DEUP1: variants seen among roughly 807,000 people sequenced by gnomAD.
DEUP1 encodes coiled-coil domain containing 67.
A neutral mutation model predicts 87.4 loss-of-function variants in DEUP1; 82 were observed. The ratio of observed to expected loss-of-function variants is 0.94; its 90% CI spans 0.78 to 1.13. The LOEUF (loss-of-function observed/expected upper bound fraction) is 1.13, where lower values mean the gene tolerates loss of function less well. Ranked by LOEUF, DEUP1 falls within the 50% of genes most tolerant of loss-of-function variation. The pLI, the probability that DEUP1 is intolerant of heterozygous loss-of-function variation, is 0.00. For missense variants in DEUP1, 663 were observed against 681.5 expected (o/e 0.97, Z 0.30); for synonymous variants, 214 against 222.7 (o/e 0.96, Z 0.35).
At chr11:93,334,306 A>G (rs1943640157) in intron 2 of DEUP1, among the ~76,000 whole-genome samples, 1 of 152,204 alleles carries the variant, frequency 6.6e-6, no homozygotes, top group Non-Finnish European at 1.5e-5. Context: ...ATCTACATAT[A>G]CAGTAATGTT....
At chr11:93,402,685 A>G (rs1457996119) in intron 11 of DEUP1, among the ~76,000 whole-genome samples, 1 of 151,918 alleles carries the variant, frequency 6.6e-6, no homozygotes, top group Admixed American at 6.6e-5. Flanking sequence ...GAAAAAATAA[A>G]AAATAAAAAA....
At chr11:93,379,747 C>T (rs1031013808) in intron 7 of DEUP1, among the ~76,000 whole-genome samples, 3 of 137,218 alleles carry the variant, frequency 2.2e-5, no homozygotes, top group African/African-American at 7.8e-5. Flanking sequence ...CTTCTAGGGG[C>T]TTACATGCAC....
At chr11:93,416,819 A>G (rs1947649252) in intron 13 of DEUP1, among the ~76,000 whole-genome samples, 1 of 151,856 alleles carries the variant, frequency 6.6e-6, no homozygotes, top group Non-Finnish European at 1.5e-5. Context: ...CACATCAAAA[A>G]GCTTATCCAC....
At chr11:93,430,517 G>A (rs74986600) in intron 13 of DEUP1, among the ~76,000 whole-genome samples, 1,911 of 152,264 alleles carry the variant, frequency 0.013, 21 homozygotes, top group East Asian at 0.064. Context: ...CCATGTATAT[G>A]AAATAGCCAA....
chr11:93,417,978 A>T lies in DEUP1; in HGVS notation c.1638+2864A>T, dbSNP rs547403467. Among the ~76,000 whole-genome samples, 1,143 of 151,168 alleles carry T rather than the reference A, an allele frequency of 7.6e-3. 16 individuals carry two copies. The highest frequency in any genetic ancestry group is 0.027 in the African/African-American group (1,102 of 41,394). On this transcript the variant is annotated intron_variant, in intron 13 of 13. Coordinates refer to ENST00000298050, the MANE Select transcript of DEUP1 (RefSeq NM_181645.4). ...GGTGCTGGGAAAACTGGCTAGCCAT[A>T]TGTAGAAAGCTGAAACTGGATCCCT...
At chr11:93,418,768 A>T (rs1947747352) in intron 13 of DEUP1, among the ~76,000 whole-genome samples, 5 of 150,552 alleles carry the variant, frequency 3.3e-5, no homozygotes, top group South Asian at 2.1e-4. Context: ...AATAGCAAAG[A>T]CTTGGAACCA....
At position 93,408,385 on chromosome 11, in the gene DEUP1, A is replaced by G; in HGVS notation, c.1481A>G (p.Tyr494Cys). 6.4e-7 allele frequency: 1 copy of G among 1,569,174 alleles called. No individual in the cohort carries two copies. Among genetic ancestry groups the G allele is most frequent in the Non-Finnish European group, 8.6e-7 (1 of 1,156,574 alleles). ...NQNTYEETGRYAYQSQIKVEQ... is the reference protein window; with the variant it reads ...NQNTYEETGRCAYQSQIKVEQ... ...AACACCTATGAAGAAACAGGAAGATATGCCTATCAAAGCCAAATAAAAGTG... is the reference window on the plus strand; with the variant it reads ...AACACCTATGAAGAAACAGGAAGATGTGCCTATCAAAGCCAAATAAAAGTG... Residue 494 changes from tyrosine to cysteine, a missense_variant, in exon 12 of 14, where the codon TAT (tyrosine) becomes TGT (cysteine). Transcript: ENST00000298050.
chr11:93,396,831 G>T (rs1402768820), intron 11 of DEUP1, among the ~76,000 whole-genome samples: 2 of 152,142 alleles, frequency 1.3e-5, no homozygotes, highest in Admixed American at 1.3e-4. Context: ...AGTGTTCAAT[G>T]AGTGTTGGTT....
Position 93,394,632 on chromosome 11 carries a change from A to C in DEUP1, c.1215A>C (p.Lys405Asn), listed in dbSNP as rs749938611. 3.1e-6 allele frequency: 5 copies of C among 1,611,320 alleles called. No homozygotes were observed. The South Asian group carries it at 5.5e-5, about 18-fold the overall frequency. The change falls in exon 10 of 14, where the codon AAA becomes AAC. Residue 405 changes from lysine to asparagine, a missense_variant. Lys to Asn is a moderately conservative substitution (Grantham distance 94). Coordinates refer to ENST00000298050, the MANE Select transcript of DEUP1 (RefSeq NM_181645.4). ...EKQLKMELEI[K>N]EKMLAKQKVS... ...AGTTAAAAATGGAATTAGAAATAAA[A>C]GAAAAAATGTTAGCAAAACAAAAGG...
At chr11:93,394,815 A>T (rs1946886308) in intron 10 of DEUP1, among the ~76,000 whole-genome samples, 159 bp downstream of exon 10, 1 of 152,180 alleles carries the variant, frequency 6.6e-6, no homozygotes, top group Non-Finnish European at 1.5e-5. Flanking sequence ...AACCTTTCAG[A>T]GATAACACAA....
At chr11:93,427,589 C>T (rs577352138) in intron 13 of DEUP1, among the ~76,000 whole-genome samples, 2 of 150,834 alleles carry the variant, frequency 1.3e-5, no homozygotes, top group African/African-American at 4.9e-5. Flanking sequence ...TCTAAAACAC[C>T]AAAAGCAATG....
In DEUP1 at chr11:93,389,104, T is replaced by A; in HGVS notation, c.1020T>A (p.Asn340Lys). ...TTTCAGTGATGCAAGATCAACCAAA[T>A]CATGAAAAAGAATTGAACAAGGTAT... is the stretch of plus-strand genomic sequence containing the variant. The part of the protein sequence containing the change: ...ELFSVMQDQP[N>K]HEKELNKIRS... The change falls in exon 9 of 14, where the codon AAT becomes AAA. Residue 340 changes from asparagine (N) to lysine (K), a missense_variant. Physicochemically the swap from Asn to Lys is moderately conservative, Grantham distance 94. Coordinates refer to ENST00000298050, the MANE Select transcript of DEUP1 (RefSeq NM_181645.4). 1 of 1,594,772 alleles carries A rather than the reference T, an allele frequency of 6.3e-7. No homozygotes were observed. Among genetic ancestry groups the A allele is most frequent in the Non-Finnish European group, 8.5e-7 (1 of 1,169,616 alleles).
At chr11:93,385,358 A>G in intron 7 of DEUP1, 40 bp from the exon 8 acceptor site, 1 of 1,602,640 alleles carries the variant, frequency 6.2e-7, no homozygotes, top group South Asian at 1.1e-5. Flanking sequence ...CGTTATGATA[A>G]CCAACAATGA....
At position 93,411,942 on chromosome 11, in the gene DEUP1, T is replaced by C. The variant is rs983928966; in HGVS notation, c.1524-3058T>C. Among the ~76,000 whole-genome samples the C allele has an allele frequency of 4.6e-5, 7 of 152,268 alleles. No individual in the cohort carries two copies. The East Asian group carries it at 9.6e-4, about 21-fold the overall frequency. On this transcript the variant is annotated intron_variant, in intron 12 of 13. Transcript: ENST00000298050. ...ACAAGATCTCTTGTCAAGGAATGAA[T>C]AGACATCTAGAAGCCTGAATCTGAG...
intron 4 of DEUP1, among the ~76,000 whole-genome samples, chr11:93,363,249 G>A (rs564907804): frequency 6.6e-6 from 1 of 151,930 alleles, no homozygotes; most frequent in African/African-American, 2.4e-5. Context: ...GATTCTAAAG[G>A]GATAGCATGA....
chr11:93,387,710 A>G (rs1443374492), intron 8 of DEUP1, among the ~76,000 whole-genome samples: 4 of 152,134 alleles, frequency 2.6e-5, no homozygotes, highest in Non-Finnish European at 5.9e-5. Context: ...TTGCTTAGGA[A>G]GAATTAAAAA....
chr11:93,332,356 A>G (rs936740794), intron 2 of DEUP1, 68 bp downstream of exon 2: 20 of 1,307,488 alleles, frequency 1.5e-5, no homozygotes, highest in Non-Finnish European at 2.1e-5. Flanking sequence ...CTGAGAACAC[A>G]TGAATTTTGA....
intron 11 of DEUP1, among the ~76,000 whole-genome samples, chr11:93,407,468 CTGTATATTGAT>C (rs917588881): frequency 3.9e-5 from 6 of 151,940 alleles, no homozygotes; most frequent in Non-Finnish European, 8.8e-5. Context: ...CAACATATGA[CTGTATATTGAT>C]TATAATTTTC....
At chr11:93,401,267 A>G (rs1435838071) in intron 11 of DEUP1, among the ~76,000 whole-genome samples, 2 of 152,130 alleles carry the variant, frequency 1.3e-5, no homozygotes, top group East Asian at 3.8e-4. Context: ...AAGGAAAACT[A>G]TATATCTCTG....
Sources: gnomAD v4.1 joint callset for allele counts (sites outside exome capture counted in the v4.1 genomes callset) on GRCh38, gnomAD v4.1.1 for gene constraint, MANE v1.5 for transcripts, NCBI Gene and HGNC (gene_info 2026-07-23, HGNC 2026-07-21) for gene names.